The following PDZD7 variants were observed in gnomAD, a reference collection of about 807,000 sequenced individuals.
The protein encoded by PDZD7 is PDZ domain containing 7.
Under a neutral mutation model 84.7 loss-of-function variants are expected in PDZD7, and 72 were observed. That is an observed-to-expected ratio of 0.85 (90% CI 0.70 to 1.03). PDZD7 has a LOEUF of 1.03. Among genes scored for constraint, PDZD7 ranks in the 50% least tolerant of loss-of-function variants. The pLI is 0.00. For synonymous variants in PDZD7, 594 were observed against 580.7 expected, an observed-to-expected ratio of 1.02 and a Z score of -0.33; for missense variants, 1,490 against 1,412.9, an observed-to-expected ratio of 1.05 and a Z score of -0.87.
At position 101,023,514 on chromosome 10, in the gene PDZD7, C is replaced by G. The variant is rs1385766075; in HGVS notation, c.464G>C (p.Ser155Thr). The G allele has an allele frequency of 3.1e-6, 5 of 1,614,012 alleles. No individual in the cohort carries two copies. The highest frequency in any genetic ancestry group is 4.5e-5 in the East Asian group (2 of 44,878). ...TMGSAVKVLT[S>T]SSRLHMMVRR... ...AACCATCATGTGCAGGCGGCTGCTG[C>G]TGGTCAGCACCTTTACGGCGCTACC... Residue 155 changes from serine (S) to threonine (T), a missense_variant, in exon 4 of 17, where the codon AGC becomes ACC. By Grantham distance (58) the Ser-to-Thr change is moderately conservative (BLOSUM62 1). Transcript: ENST00000619208.
At position 101,011,731 on chromosome 10, in the gene PDZD7, T is replaced by C. The variant is rs999884614; in HGVS notation, c.1964A>G (p.Gln655Arg). The stretch of plus-strand genomic sequence containing the variant: ...AAGGTGACGCTTGGGTGGCGTGTCC[T>C]GCCGGGCTGGTCTCAAAGCAGGAGG... ...VRPPALRPAR[Q>R]DTPPKRHLIT... is the part of the protein sequence containing the mutation. Residue 655 changes from glutamine to arginine, a missense_variant, in exon 14 of 17, where the codon CAG becomes CGG. Coordinates refer to ENST00000619208, the MANE Select transcript of PDZD7 (RefSeq NM_001195263.2). The C allele has an allele frequency of 1.9e-5, 29 of 1,545,726 alleles. No homozygotes were observed. The African/African-American group carries it at 3.7e-4, about 20-fold the overall frequency.
intron 9 of PDZD7, chr10:101,017,607 C>T (rs935716380): frequency 4.4e-5 from 31 of 700,896 alleles, no homozygotes; most frequent in Non-Finnish European, 7.3e-5. Flanking sequence ...CAGGGTGAAA[C>T]CCCCATCTCT....
At position 101,015,692 on chromosome 10, in the gene PDZD7, C is replaced by A. The variant is rs1483933007; in HGVS notation, c.1693G>T (p.Ala565Ser). 17 of 1,550,262 alleles carry A rather than the reference C, an allele frequency of 1.1e-5. No homozygotes were observed. Among genetic ancestry groups the A allele is most frequent in the Middle Eastern group, 3.4e-4 (2 of 5,894 alleles). Residue 565 changes from alanine (A) to serine (S), a missense_variant, in exon 11 of 17, where the codon GCC (alanine) becomes TCC (serine). By Grantham distance (99) the Ala-to-Ser change is moderately conservative (BLOSUM62 1). Transcript: ENST00000619208. ...TCGTCATCAGTCAGCAGCCTCTGGG[C>A]CAGGTCCTGAATGAGGGGCCGCCGG... is the stretch of plus-strand genomic sequence containing the variant. ...ESRRPLIQDL[A>S]QRLLTDDEVL... is the part of the protein sequence containing the mutation.
chr10:101,012,835 G>A (rs1268373938), intron 11 of PDZD7, among the ~76,000 whole-genome samples: 1 of 152,212 alleles, frequency 6.6e-6, no homozygotes, highest in Non-Finnish European at 1.5e-5. Flanking sequence ...TTTGTTCGGG[G>A]CTAGAATAGG....
At position 101,021,809 on chromosome 10, in the gene PDZD7, G is replaced by T; in HGVS notation, c.856C>A (p.Leu286Met). ...EVLKGQTHIM[L>M]TIKETGRYPA... ...ACTGTTCTGCCCACCTTGATGGTCA[G>T]CATGATGTGCGTTTGGCCCTTCAGC... Residue 286 changes from leucine (L) to methionine (M), a missense_variant, in exon 6 of 17, where the codon CTG (leucine) becomes ATG (methionine). Leu to Met is a conservative substitution (Grantham distance 15). Coordinates refer to ENST00000619208, the MANE Select transcript of PDZD7 (RefSeq NM_001195263.2). 1 of 1,614,184 alleles carries T rather than the reference G, an allele frequency of 6.2e-7. No individual in the cohort carries two copies. Among genetic ancestry groups the T allele is most frequent in the Non-Finnish European group, 8.5e-7 (1 of 1,180,030 alleles).
intron 2 of PDZD7, among the ~76,000 whole-genome samples, chr10:101,025,497 C>A (rs1259781863): frequency 6.6e-6 from 1 of 152,030 alleles, no homozygotes; most frequent in Non-Finnish European, 1.5e-5. Context: ...AGTGAGCCAC[C>A]ACCCCAGCCT....
Position 101,025,740 on chromosome 10 carries a change from G to A in PDZD7, c.227-1672C>T, listed in dbSNP as rs551152316. 1.7e-3 allele frequency among the ~76,000 whole-genome samples: 250 copies of A among 149,050 alleles called. 4 individuals are homozygous for A. Among genetic ancestry groups the A allele is most frequent in the African/African-American group, 5.1e-3 (202 of 39,844 alleles). On this transcript the variant is annotated intron_variant, in intron 2 of 16. Transcript: ENST00000619208. ...TTTTTTGTATTTTTAGTAGAGACGG[G>A]GTTTCACCGTGTTGGCCAGGATTGT...
rs768660208 is a variant in PDZD7, at chr10:101,019,060, G to A, written c.1086C>T (p.Gly362=). ...GCATGGCTGTGTCCGCCCGCCCCCA[G>A]CCTGGGCCGCGGCTGCCGGGCTCCT... ...GQEEPGSRGP[G]WGRADTAMQT... The change falls in exon 8 of 17, where the codon GGC becomes GGT. Residue 362 remains glycine, a synonymous_variant. Coordinates refer to ENST00000619208, the MANE Select transcript of PDZD7 (RefSeq NM_001195263.2). The A allele has an allele frequency of 1.3e-6, 2 of 1,577,496 alleles. No homozygotes were observed. The highest frequency in any genetic ancestry group is 2.7e-5 in the African/African-American group (2 of 74,676).
intron 2 of PDZD7, among the ~76,000 whole-genome samples, chr10:101,027,044 G>A (rs1937753459): frequency 6.6e-6 from 1 of 152,086 alleles, no homozygotes. Flanking sequence ...CTCTCCCCCA[G>A]GTGCTCCACT....
Position 101,030,087 on chromosome 10 carries a change from T to C in PDZD7, c.133A>G (p.Arg45Gly), listed in dbSNP as rs868518557. 1.9e-6 allele frequency: 3 copies of C among 1,614,248 alleles called. No individual in the cohort carries two copies. In the South Asian group the frequency reaches 3.3e-5, roughly 18 times the overall value. The stretch of plus-strand genomic sequence containing the variant: ...CCGTTCAGCAGCCGTTGTTGCTTCC[T>C]TAGCAGGTATCGCGTTGCGGTGGAG... ...SGSTATRYLL[R>G]KQQRLLNGPP... The change falls in exon 2 of 17, where the codon AGG (arginine) becomes GGG (glycine). Residue 45 changes from arginine (R) to glycine (G), a missense_variant. By Grantham distance (125) the Arg-to-Gly change is moderately radical (BLOSUM62 -2). Transcript: ENST00000619208.
intron 2 of PDZD7, among the ~76,000 whole-genome samples, chr10:101,025,848 A>G (rs1263593524): frequency 1.3e-5 from 2 of 152,132 alleles, no homozygotes; most frequent in African/African-American, 2.4e-5. Context: ...CACCCGGCCA[A>G]TGGAAGAGAT....
Position 101,012,016 on chromosome 10 carries a change from C to T in PDZD7, c.1842G>A (p.Arg614=). 3 of 1,550,032 alleles carry T rather than the reference C, an allele frequency of 1.9e-6. No homozygotes were observed. Among genetic ancestry groups the T allele is most frequent in the South Asian group, 2.4e-5 (2 of 84,050 alleles). The change falls in exon 13 of 17, where the codon AGG becomes AGA. Residue 614 remains arginine (R), a splice_region_variant and synonymous_variant. Transcript: ENST00000619208. ...PEKLLLLQDI[R]SVVAPTDLGR... is the part of the protein sequence containing the mutation. ...CCAGGTCTGTGGGGGCCACCACACTCCTGGGAGAGGGCGAGAGACAGCAGG... is the reference window on the plus strand; with the variant it reads ...CCAGGTCTGTGGGGGCCACCACACTTCTGGGAGAGGGCGAGAGACAGCAGG...
chr10:101,022,314 T>G lies in PDZD7; in HGVS notation c.614A>C (p.Asp205Ala), dbSNP rs764326311. 1.9e-6 allele frequency: 3 copies of G among 1,614,170 alleles called. No individual in the cohort carries two copies. The highest frequency in any genetic ancestry group is 2.5e-6 in the Non-Finnish European group (3 of 1,180,028). The part of the protein sequence containing the change: ...GSTPSDTSSE[D>A]GVRRIVHLYT... ...TAGGTGGACGATGCGCCGGACACCA[T>G]CTTCTGAGCTGGTGTCGGAGGGTGT... The change falls in exon 5 of 17, where the codon GAT becomes GCT. Residue 205 changes from aspartate (D) to alanine (A), a missense_variant. Coordinates refer to ENST00000619208, the MANE Select transcript of PDZD7 (RefSeq NM_001195263.2).
chr10:101,023,070 CTTT>C (rs1161602421), intron 4 of PDZD7: 2,097 of 127,202 alleles, frequency 0.016, 7 homozygotes, highest in Non-Finnish European at 0.022. Flanking sequence ...CCATGCCCGG[CTTT>C]TTTTTTTTTT....
rs1327395981 is a variant in PDZD7, at chr10:101,019,088, T to C, written c.1058A>G (p.Gln353Arg). The change falls in exon 8 of 17, where the codon CAG becomes CGG. Residue 353 changes from glutamine to arginine, a missense_variant. Gln to Arg is a conservative substitution (Grantham distance 43, BLOSUM62 1). Coordinates refer to ENST00000619208, the MANE Select transcript of PDZD7 (RefSeq NM_001195263.2). ...TGGGCCGCGGCTGCCGGGCTCCTCC[T>C]GCCCGAGGCAGATGTCCATGCGGTC... ...PSDRMDICLGQEEPGSRGPGW... is the reference protein window; with the variant it reads ...PSDRMDICLGREEPGSRGPGW... The C allele has an allele frequency of 1.9e-6, 3 of 1,564,520 alleles. No homozygotes were observed. Among genetic ancestry groups the C allele is most frequent in the Non-Finnish European group, 2.6e-6 (3 of 1,162,374 alleles).
intron 15 of PDZD7, 97 bp downstream of exon 15, chr10:101,010,175 G>A: frequency 7.1e-7 from 1 of 1,405,812 alleles, no homozygotes; most frequent in Non-Finnish European, 9.4e-7. Context: ...GGTTACAGGT[G>A]TGAGCCTCTG....
chr10:101,007,774 A>T lies in PDZD7; in HGVS notation c.*693T>A, dbSNP rs1430859173. 2.0e-6 allele frequency: 1 copy of T among 510,856 alleles called. No homozygotes were observed. The highest frequency in any genetic ancestry group is 2.5e-6 in the Non-Finnish European group (1 of 392,478). The allele number at this position is 510,856 out of a possible 1,614,324, so 31.6% of individuals were successfully genotyped here. A position where few individuals can be genotyped will look rare whatever the true frequency, so the allele number is the denominator to read the frequency against. ...TCGTTTTCACTTGTATATTTTTCAC[A>T]CTGTAAATTTCTTGTACAAACCCAA... On this transcript the variant is annotated 3_prime_UTR_variant, in exon 17 of 17. Transcript: ENST00000619208.
In PDZD7 at chr10:101,018,154, C is replaced by T. The variant is rs1368849444; in HGVS notation, c.1467G>A (p.Trp489Ter). 6.2e-7 allele frequency: 1 copy of T among 1,614,228 alleles called. No individual in the cohort carries two copies. Among genetic ancestry groups the T allele is most frequent in the Non-Finnish European group, 8.5e-7 (1 of 1,180,036 alleles). The change falls in exon 9 of 17, where the codon TGG becomes TGA. Residue 489 changes from tryptophan to a stop codon, truncating the protein, a stop_gained. Transcript: ENST00000619208. LOFTEE classifies it high-confidence loss of function. ...TGGCCAGGCTCCCGCTGTCCAGTGT[C>T]CAGGCCTCTCTGCGCCCGTCCCGCG... ...RLARDGRREA[W>*]TLDSGSLAKT...
rs534463809 is a variant in PDZD7 at position 101,008,491 on chromosome 10, G to A, written c.3078C>T (p.Pro1026=). The A allele has an allele frequency of 1.2e-4, 181 of 1,526,906 alleles. No individual in the cohort carries two copies. The East Asian group carries it at 3.0e-3, about 26-fold the overall frequency. 94.6% of individuals were successfully genotyped at this position (1,526,906 alleles called of 1,614,324 possible). A position where few individuals can be genotyped will look rare whatever the true frequency, so the allele number is the denominator to read the frequency against. Residue 1026 remains proline (P), a synonymous_variant, in exon 17 of 17, where the codon CCC becomes CCT. Transcript: ENST00000619208. ...GTCATGGGATGCGTGGGGAGGGTGC[G>A]GGCTTAGAATCAGGAGTCTGGAGGG... ...SPALQTPDSK[P]APSPRIP
Sources: allele counts gnomAD v4.1 joint callset (sites outside exome capture counted in the v4.1 genomes callset), GRCh38; gene constraint gnomAD v4.1.1; transcripts MANE v1.5; gene names NCBI Gene and HGNC (gene_info 2026-07-23, HGNC 2026-07-21).